Variants in DPP6 observed in about 807,000 individuals in gnomAD.
DPP6 encodes the protein A-type potassium channel modulatory protein DPP6.
In DPP6, 69 loss-of-function variants were observed where a neutral mutation model predicts 122.6. That is an observed-to-expected ratio of 0.56 (90% CI 0.46 to 0.69). The LOEUF is 0.69. Ranked by LOEUF, DPP6 falls within the 30% of genes least tolerant of loss-of-function variation. DPP6 has a pLI of 0.00. For missense variants in DPP6, 928 were observed against 1,116.9 expected, an observed-to-expected ratio of 0.83 and a Z score of 2.41; for synonymous variants, 418 against 433.1, an observed-to-expected ratio of 0.97 and a Z score of 0.43.
intron 2 of DPP6, 96 bp downstream of exon 2, chr7:154,446,424 A>G (rs1819879422): frequency 2.7e-6 from 2 of 732,588 alleles, no homozygotes; most frequent in South Asian, 5.0e-5. Flanking sequence ...CTATTACATA[A>G]TTTATTTTTC....
the DPP6 span, among the ~76,000 whole-genome samples, chr7:153,859,948 A>C: frequency 6.6e-6 from 1 of 152,290 alleles, no homozygotes; most frequent in East Asian, 1.9e-4. Context: ...CCCTTGACAC[A>C]GGGGGATAAT....
intron 5 of DPP6, among the ~76,000 whole-genome samples, chr7:154,574,494 TGTG>T (rs1831356194): frequency 2.9e-5 from 4 of 139,016 alleles, no homozygotes; most frequent in Admixed American, 2.9e-4. Flanking sequence ...TGTATGTGTA[TGTG>T]GTGTGTGTAT....
At chr7:154,822,655 G>A (rs1287663844) in intron 16 of DPP6, among the ~76,000 whole-genome samples, 1 of 152,130 alleles carries the variant, frequency 6.6e-6, no homozygotes, top group Admixed American at 6.5e-5. Flanking sequence ...CAAAGCCAGT[G>A]ACAGTGTCAG....
At chr7:154,272,158 C>A (rs143348060) in intron 1 of DPP6, among the ~76,000 whole-genome samples, 45 of 152,344 alleles carry the variant, frequency 3.0e-4, no homozygotes, top group Middle Eastern at 3.4e-3. Context: ...GTGCCTTGAA[C>A]TGAACTGAGC....
chr7:154,342,944 C>A (rs1208995531), intron 1 of DPP6, among the ~76,000 whole-genome samples: 1 of 152,112 alleles, frequency 6.6e-6, no homozygotes, highest in Non-Finnish European at 1.5e-5. Context: ...TTAAAGAAAC[C>A]AAGATGAGAC....
chr7:154,033,623 G>A (rs551616944), intron 1 of DPP6, among the ~76,000 whole-genome samples: 76 of 152,308 alleles, frequency 5.0e-4, no homozygotes, highest in African/African-American at 1.7e-3. Flanking sequence ...GAGTCCCTTC[G>A]TCTCTGTCTT....
intron 7 of DPP6, 22 bp from the exon 8 acceptor site, chr7:154,727,745 C>G (rs1218065273): frequency 3.8e-6 from 6 of 1,591,928 alleles, no homozygotes. Flanking sequence ...TAATATTATG[C>G]TTTTTTCTCT....
At chr7:154,055,090 C>CTTT (rs374982845) in intron 1 of DPP6, among the ~76,000 whole-genome samples, 1,596 of 128,908 alleles carry the variant, frequency 0.012, 57 homozygotes, top group African/African-American at 0.034. Context: ...TCCTGACATG[C>CTTT]TTTTTTTTTT....
intron 16 of DPP6, among the ~76,000 whole-genome samples, chr7:154,824,893 G>T (rs1196694775): frequency 6.6e-6 from 1 of 152,136 alleles, no homozygotes; most frequent in Non-Finnish European, 1.5e-5. Context: ...AGAACCCCCG[G>T]TCTCTGACAG....
intron 1 of DPP6, among the ~76,000 whole-genome samples, chr7:154,272,646 C>T (rs1803870454): frequency 1.3e-5 from 2 of 152,062 alleles, no homozygotes; most frequent in South Asian, 4.1e-4. Flanking sequence ...ACTCCATTAG[C>T]CCCAGGAGTG....
the DPP6 span, among the ~76,000 whole-genome samples, chr7:153,857,181 C>G: frequency 6.6e-6 from 1 of 152,106 alleles, no homozygotes; most frequent in South Asian, 2.1e-4. Context: ...AGGTCACAAT[C>G]TGGACTAAAG....
At chr7:154,670,461 G>A (rs1838487278) in intron 7 of DPP6, among the ~76,000 whole-genome samples, 1 of 152,244 alleles carries the variant, frequency 6.6e-6, no homozygotes, top group Non-Finnish European at 1.5e-5. Context: ...GCCATGTAGT[G>A]AAGAATTTGG....
rs1385501734 is a variant in DPP6 at position 154,005,939 on chromosome 7, C to T, written c.51+118205C>T. 7.9e-5 allele frequency among the ~76,000 whole-genome samples: 12 copies of T among 152,242 alleles called. No homozygotes were observed. The East Asian group carries it at 1.7e-3, about 22-fold the overall frequency. On this transcript the variant is annotated intron_variant, in intron 1 of 25. Coordinates refer to the DPP6 transcript ENST00000404039. The stretch of plus-strand genomic sequence containing the variant: ...CCAGCACTACCTAGGCACTGAGCTC[C>T]GTGAGGGACTTTTTTCCTGCTCACC...
chr7:154,021,776 G>C (rs71534057), intron 1 of DPP6, among the ~76,000 whole-genome samples: 1 of 152,148 alleles, frequency 6.6e-6, no homozygotes, highest in East Asian at 1.9e-4. Context: ...GTCTCCTATG[G>C]TGTCCCAGCT....
chr7:153,937,175 C>T (rs1379149547), intron 1 of DPP6, among the ~76,000 whole-genome samples: 1 of 152,148 alleles, frequency 6.6e-6, no homozygotes, highest in East Asian at 1.9e-4. Context: ...GTTCTAGGGC[C>T]ACCCTTAGGA....
intron 1 of DPP6, among the ~76,000 whole-genome samples, chr7:154,101,935 C>CAAAAAAA (rs915468915): frequency 7.3e-5 from 3 of 40,832 alleles, no homozygotes; most frequent in African/African-American, 1.9e-4. Context: ...TACTCCATCT[C>CAAAAAAA]AAAAAAAAAA....
At chr7:154,610,272 G>C (rs903080897) in intron 5 of DPP6, among the ~76,000 whole-genome samples, 6 of 152,162 alleles carry the variant, frequency 3.9e-5, no homozygotes, top group African/African-American at 1.4e-4. Flanking sequence ...GGGCTGATAT[G>C]GTTCCAAATG....
At chr7:154,156,770 T>TTA (rs1409692179) in intron 1 of DPP6, among the ~76,000 whole-genome samples, 14 of 149,892 alleles carry the variant, frequency 9.3e-5, no homozygotes, top group Non-Finnish European at 2.1e-4. Flanking sequence ...TATAGATAGG[T>TTA]AGGTAGGTAG....
At chr7:154,361,714 T>C (rs1049941404) in intron 1 of DPP6, among the ~76,000 whole-genome samples, 3 of 151,942 alleles carry the variant, frequency 2.0e-5, no homozygotes, top group African/African-American at 7.2e-5. Flanking sequence ...CGTAATTTAA[T>C]CATTGTTAAT....
Sources: gnomAD v4.1 joint callset for allele counts (sites outside exome capture counted in the v4.1 genomes callset) on GRCh38, gnomAD v4.1.1 for gene constraint, MANE v1.5 for transcripts, NCBI Gene and HGNC (gene_info 2026-07-23, HGNC 2026-07-21) for gene names.